FBRSL1: variants seen among roughly 807,000 people sequenced by gnomAD.
FBRSL1 encodes fibrosin-1-like protein.
In FBRSL1, 51 loss-of-function variants were observed where a neutral mutation model predicts 89.6. That is an observed-to-expected ratio of 0.57 (90% CI 0.45 to 0.72). FBRSL1 has a LOEUF of 0.72. Ranked by LOEUF, FBRSL1 falls within the 30% of genes least tolerant of loss-of-function variation. FBRSL1 has a pLI of 0.00. For missense variants in FBRSL1, 1,618 were observed against 1,451.8 expected, an observed-to-expected ratio of 1.11 and a Z score of -1.86; for synonymous variants, 779 against 681.1, an observed-to-expected ratio of 1.14 and a Z score of -2.24.
rs1287367370 is a variant in FBRSL1 at position 132,496,232 on chromosome 12, C to T, written c.291+5371C>T. ...ACCCACACTAGACCCTCCTTCCCCA[C>T]TAGGCTCTCGTGCCCCAGCTGTCCT... On this transcript the variant is annotated intron_variant, in intron 1 of 18. Transcript: ENST00000680143. 2.6e-5 allele frequency among the ~76,000 whole-genome samples: 4 copies of T among 152,370 alleles called. No individual in the cohort carries two copies. The East Asian group carries it at 7.7e-4, about 29-fold the overall frequency.
intron 6 of FBRSL1, 44 bp downstream of exon 6, chr12:132,567,570 C>A: frequency 6.5e-7 from 1 of 1,531,502 alleles, no homozygotes; most frequent in Non-Finnish European, 8.9e-7. Context: ...TCTGAAGAGA[C>A]ACAATGCGCC....
At chr12:132,548,312 C>G (rs1473872709) in intron 5 of FBRSL1, among the ~76,000 whole-genome samples, 2 of 152,150 alleles carry the variant, frequency 1.3e-5, no homozygotes, top group Non-Finnish European at 2.9e-5. Flanking sequence ...GTGCCCTGGG[C>G]AGGGCTGCCA....
At chr12:132,504,257 C>G (rs547515168) in intron 1 of FBRSL1, among the ~76,000 whole-genome samples, 1 of 152,136 alleles carries the variant, frequency 6.6e-6, no homozygotes, top group Non-Finnish European at 1.5e-5. Flanking sequence ...CAGCAGGGCT[C>G]TGTGTGTGCT....
At chr12:132,526,192 G>A (rs1450896615) in intron 3 of FBRSL1, among the ~76,000 whole-genome samples, 1 of 152,274 alleles carries the variant, frequency 6.6e-6, no homozygotes. Flanking sequence ...TGCACTGCTG[G>A]CCTGTGGGTG....
chr12:132,510,392 A>G lies in FBRSL1; in HGVS notation c.489+2042A>G. 2 of 1,231,318 alleles carry G rather than the reference A, an allele frequency of 1.6e-6. No homozygotes were observed. Among genetic ancestry groups the G allele is most frequent in the Non-Finnish European group, 2.0e-6 (2 of 987,846 alleles). 76.3% of individuals were successfully genotyped at this position (1,231,318 alleles called of 1,614,324 possible). A position where few individuals can be genotyped will look rare whatever the true frequency, so the allele number is the denominator to read the frequency against. ...GGCCCCTGCGGTCCCGGTGGACCCGATCCTGTGCCCCCGGGATGGCCCGTC... is the reference window on the plus strand; with the variant it reads ...GGCCCCTGCGGTCCCGGTGGACCCGGTCCTGTGCCCCCGGGATGGCCCGTC... On this transcript the variant is annotated intron_variant, in intron 2 of 18. Transcript: ENST00000680143.
At chr12:132,530,346 C>T (rs554738416) in intron 4 of FBRSL1, among the ~76,000 whole-genome samples, 24 of 152,268 alleles carry the variant, frequency 1.6e-4, no homozygotes, top group Admixed American at 7.2e-4. Flanking sequence ...GACTGTGGCC[C>T]CCACATAGGT....
intron 17 of FBRSL1, 112 bp from the exon 18 acceptor site, chr12:132,581,949 AC>A: frequency 7.8e-7 from 1 of 1,278,642 alleles, no homozygotes; most frequent in Non-Finnish European, 1.1e-6. Context: ...TCCTTGGGGC[AC>A]CCCCTTCTCA....
intron 2 of FBRSL1, among the ~76,000 whole-genome samples, chr12:132,518,828 G>A (rs141185776): frequency 1.8e-4 from 25 of 136,224 alleles, no homozygotes; most frequent in South Asian, 4.9e-4. Flanking sequence ...CCATCTACCC[G>A]TCCATCCATC....
chr12:132,509,364 C>T (rs1417687809), intron 2 of FBRSL1: 23 of 1,245,036 alleles, frequency 1.8e-5, no homozygotes, highest in African/African-American at 1.6e-5. Context: ...CTGGCCCCAG[C>T]GGTCACTTCT....
chr12:132,495,038 C>G (rs985633998), intron 1 of FBRSL1, among the ~76,000 whole-genome samples: 5 of 152,246 alleles, frequency 3.3e-5, no homozygotes, highest in East Asian at 1.9e-4. Flanking sequence ...GGCCCAGAAC[C>G]CTGGTGGGCA....
At chr12:132,526,896 G>A (rs2035832530) in intron 3 of FBRSL1, among the ~76,000 whole-genome samples, 1 of 152,110 alleles carries the variant, frequency 6.6e-6, no homozygotes. Flanking sequence ...GTCTGAGTGT[G>A]TAGCTGGTGT....
intron 5 of FBRSL1, chr12:132,565,177 GATT>G (rs1172050042): frequency 6.6e-6 from 1 of 152,260 alleles, no homozygotes; most frequent in East Asian, 1.9e-4. Context: ...TGAAGCTGTT[GATT>G]ATGTTTGTCG....
intron 8 of FBRSL1, 126 bp downstream of exon 8, chr12:132,570,666 C>T: frequency 1.2e-6 from 1 of 848,100 alleles, no homozygotes; most frequent in Non-Finnish European, 1.7e-6. Context: ...GCGCGCCTCT[C>T]TGAGTGGTTC....
chr12:132,511,300 G>A (rs536612564), intron 2 of FBRSL1: 34 of 985,614 alleles, frequency 3.4e-5, no homozygotes, highest in Admixed American at 6.1e-5. Flanking sequence ...GCCTTCTCCC[G>A]GCTTCCCCAC....
chr12:132,569,607 C>T lies in FBRSL1; in HGVS notation c.692-319C>T, dbSNP rs544499656. 3.6e-3 allele frequency among the ~76,000 whole-genome samples: 548 copies of T among 152,306 alleles called. 3 individuals carry two copies. Among genetic ancestry groups the T allele is most frequent in the African/African-American group, 0.012 (511 of 41,568 alleles). ...TGTCTGTTAAATGAGGTCATAGCAG[C>T]CCCTGTCCAGGGACTGACTCTTGCA... On this transcript the variant is annotated intron_variant, in intron 6 of 18. Transcript: ENST00000680143.
intron 15 of FBRSL1, chr12:132,580,830 C>T: frequency 1.0e-6 from 1 of 985,454 alleles, no homozygotes; most frequent in Non-Finnish European, 1.2e-6. Context: ...GAGGACGGCC[C>T]CTGACCAACA....
Position 132,548,032 on chromosome 12 carries a change from G to A in FBRSL1, c.645G>A (p.Lys215=), listed in dbSNP as rs1383571939. Residue 215 remains lysine (K), a splice_region_variant and synonymous_variant, in exon 5 of 19, where the codon AAG becomes AAA. Transcript: ENST00000680143. ...ACAGCGAGAGCGGCCCGGACGACAA[G>A]GTAAGCCCAGCGTCCTCCTCCTGGG... ...SCDSESGPDD[K]ASVGSEKLFA... 6.5e-7 allele frequency: 1 copy of A among 1,550,212 alleles called. No individual in the cohort carries two copies. Among genetic ancestry groups the A allele is most frequent in the Admixed American group, 2.0e-5 (1 of 50,994 alleles).
chr12:132,527,810 G>A (rs1346811707), intron 3 of FBRSL1, 143 bp from the exon 4 acceptor site: 3 of 786,668 alleles, frequency 3.8e-6, no homozygotes, highest in African/African-American at 3.5e-5. Flanking sequence ...CTTCGGGTCT[G>A]TGGATCTGCG....
intron 5 of FBRSL1, among the ~76,000 whole-genome samples, chr12:132,556,555 ACCC>A (rs59196714): frequency 0.7 from 53,691 of 76,498 alleles, 17,649 homozygotes; most frequent in African/African-American, 0.73. Context: ...ACCCCCCTCC[ACCC>A]ACCCCTGTCC....
Sources: gnomAD v4.1 joint callset for allele counts (sites outside exome capture counted in the v4.1 genomes callset) on GRCh38, gnomAD v4.1.1 for gene constraint, MANE v1.5 for transcripts, NCBI Gene and HGNC (gene_info 2026-07-23, HGNC 2026-07-21) for gene names.